UGGT2: variants seen among roughly 807,000 people sequenced by gnomAD.
UGGT2 encodes UDP-glucose:glycoprotein glucosyltransferase 2.
Under a neutral mutation model 192.1 loss-of-function variants are expected in UGGT2, and 180 were observed. The ratio of observed to expected loss-of-function variants is 0.94; its 90% CI spans 0.83 to 1.06. UGGT2 has a LOEUF of 1.06. Among genes scored for constraint, UGGT2 ranks in the 50% least tolerant of loss-of-function variants. The pLI, the probability that UGGT2 is intolerant of heterozygous loss-of-function variation, is 0.00. For missense variants in UGGT2, 1,849 were observed against 1,795.7 expected (o/e 1.03, Z -0.54); for synonymous variants, 580 against 591.0 (o/e 0.98, Z 0.27).
intron 20 of UGGT2, among the ~76,000 whole-genome samples, chr13:95,919,321 C>T (rs1007609672): frequency 1.3e-5 from 2 of 152,124 alleles, no homozygotes; most frequent in African/African-American, 4.8e-5. Context: ...ACAAGGATGC[C>T]CTCTCTCACC....
intron 20 of UGGT2, among the ~76,000 whole-genome samples, chr13:95,907,477 A>C (rs150403147): frequency 0.028 from 3,817 of 138,336 alleles, 59 homozygotes; most frequent in Non-Finnish European, 0.037. Context: ...CATGTAGCCT[A>C]ACTGGGAGAC....
intron 33 of UGGT2, among the ~76,000 whole-genome samples, chr13:95,859,144 C>A (rs1889907492): frequency 6.6e-6 from 1 of 152,002 alleles, no homozygotes; most frequent in South Asian, 2.1e-4. Flanking sequence ...ATCATGGTGC[C>A]CAGCAATCAA....
intron 17 of UGGT2, among the ~76,000 whole-genome samples, chr13:95,929,318 G>A (rs557104330): frequency 5.9e-5 from 9 of 152,116 alleles, no homozygotes; most frequent in South Asian, 2.1e-4. Context: ...TTTTAGATTC[G>A]AGGGTACACA....
At chr13:95,935,077 T>G (rs2049417557) in intron 17 of UGGT2, among the ~76,000 whole-genome samples, 1 of 151,986 alleles carries the variant, frequency 6.6e-6, no homozygotes, top group African/African-American at 2.4e-5. Context: ...GTTTGCATGA[T>G]AATTCTCAAA....
chr13:95,887,392 C>A, intron 26 of UGGT2: 1 of 459,024 alleles, frequency 2.2e-6, no homozygotes, highest in East Asian at 6.4e-5. Flanking sequence ...TTTTTGTCCC[C>A]TCTTGAGAGA....
At chr13:95,840,704 T>C (rs985716577) in intron 36 of UGGT2, among the ~76,000 whole-genome samples, 3 of 152,192 alleles carry the variant, frequency 2.0e-5, no homozygotes, top group Non-Finnish European at 4.4e-5. Flanking sequence ...CTACTGGGTA[T>C]ATACCCAAAG....
chr13:95,882,724 ACACT>A (rs1188072208), intron 27 of UGGT2, among the ~76,000 whole-genome samples: 1 of 152,214 alleles, frequency 6.6e-6, no homozygotes, highest in African/African-American at 2.4e-5. Flanking sequence ...ATTAGATTTG[ACACT>A]CACTACAAAA....
At chr13:95,922,810 G>A (rs908299463) in intron 20 of UGGT2, among the ~76,000 whole-genome samples, 13 of 152,002 alleles carry the variant, frequency 8.6e-5, no homozygotes, top group Non-Finnish European at 1.8e-4. Flanking sequence ...ATGACAGAGC[G>A]AGACCCCGTC....
At position 95,907,462 on chromosome 13, in the gene UGGT2, G is replaced by GA. The variant is rs2048329186; in HGVS notation, c.2296-4403_2296-4402insT. Among the ~76,000 whole-genome samples, 4 of 152,104 alleles carry GA rather than the reference G, an allele frequency of 2.6e-5. No homozygotes were observed. In the South Asian group the frequency reaches 8.3e-4, roughly 32 times the overall value. On this transcript the variant is annotated intron_variant, in intron 20 of 38. Coordinates refer to ENST00000376747, the MANE Select transcript of UGGT2 (RefSeq NM_020121.4). ...ATGGACAGACTGCCTCCTCAAGTGG[G>GA]TCCCCATGTAGCCTAACTGGGAGAC...
At chr13:96,033,207 T>C (rs560556083) in intron 1 of UGGT2, among the ~76,000 whole-genome samples, 1 of 152,270 alleles carries the variant, frequency 6.6e-6, no homozygotes, top group South Asian at 2.1e-4. Flanking sequence ...AAAATGGCCA[T>C]ACTGCCCAAA....
At chr13:96,044,205 T>A (rs555810153) in intron 1 of UGGT2, among the ~76,000 whole-genome samples, 1 of 152,222 alleles carries the variant, frequency 6.6e-6, no homozygotes, top group African/African-American at 2.4e-5. Context: ...AAATCAACCC[T>A]AAAAGGAACC....
At position 95,972,581 on chromosome 13, in the gene UGGT2, T is replaced by C. The variant is rs1185580048; in HGVS notation, c.1183A>G (p.Ser395Gly). 6.2e-7 allele frequency: 1 copy of C among 1,609,636 alleles called. No homozygotes were observed. Among genetic ancestry groups the C allele is most frequent in the Non-Finnish European group, 8.5e-7 (1 of 1,176,788 alleles). Residue 395 changes from serine to glycine, a missense_variant and splice_region_variant, in exon 11 of 39, where the codon AGT becomes GGT. By Grantham distance (56) the Ser-to-Gly change is moderately conservative. Transcript: ENST00000376747. ...RVDMDVYDAF[S>G]ILDMLKLEGK... ...TTACAGCAATAATTTAATACTTACC[T>C]AAAAGCGTCATAAACATCCATATCA...
chr13:96,034,814 G>A (rs757746826), intron 1 of UGGT2, among the ~76,000 whole-genome samples: 28 of 152,218 alleles, frequency 1.8e-4, no homozygotes, highest in Admixed American at 2.6e-4. Context: ...CTGGCTGTGC[G>A]CAGTGGCCGG....
intron 11 of UGGT2, among the ~76,000 whole-genome samples, chr13:95,972,055 TTTTG>T (rs2050788499): frequency 6.6e-6 from 1 of 152,126 alleles, no homozygotes; most frequent in Non-Finnish European, 1.5e-5. Flanking sequence ...ACAACTGTAA[TTTTG>T]GGTGAGTGAC....
At chr13:95,922,867 AAAAAG>A (rs2048891476) in intron 20 of UGGT2, among the ~76,000 whole-genome samples, 1 of 152,170 alleles carries the variant, frequency 6.6e-6, no homozygotes, top group Non-Finnish European at 1.5e-5. Context: ...AAAAATTTAA[AAAAAG>A]AAACTCTCTT....
intron 15 of UGGT2, among the ~76,000 whole-genome samples, chr13:95,946,399 C>A (rs976431712): frequency 1.3e-5 from 2 of 152,224 alleles, no homozygotes; most frequent in African/African-American, 4.8e-5. Flanking sequence ...GAGACAGGCT[C>A]TCTCCATTGC....
At chr13:96,000,548 TAG>T (rs2051766670) in intron 5 of UGGT2, among the ~76,000 whole-genome samples, 1 of 152,236 alleles carries the variant, frequency 6.6e-6, no homozygotes, top group Admixed American at 6.5e-5. Flanking sequence ...GAAAATTTTT[TAG>T]AGTTTTCAAT....
chr13:95,825,621 G>T (rs1022208228), intron 38 of UGGT2, among the ~76,000 whole-genome samples: 5 of 152,140 alleles, frequency 3.3e-5, no homozygotes, highest in African/African-American at 1.2e-4. Context: ...CTGTCTATAG[G>T]TTCAGCCACA....
At chr13:95,820,778 C>T (rs1166749747) in intron 38 of UGGT2, among the ~76,000 whole-genome samples, 1 of 151,712 alleles carries the variant, frequency 6.6e-6, no homozygotes, top group Non-Finnish European at 1.5e-5. Context: ...GCCTCAAGTC[C>T]CCAAAGTCCA....
Sources: gnomAD v4.1 joint callset for allele counts (sites outside exome capture counted in the v4.1 genomes callset) on GRCh38, gnomAD v4.1.1 for gene constraint, MANE v1.5 for transcripts, NCBI Gene and HGNC (gene_info 2026-07-23, HGNC 2026-07-21) for gene names.